KIF21A: variants seen among roughly 807,000 people sequenced by gnomAD.
KIF21A encodes kinesin family member 21A.
In KIF21A, 114 loss-of-function variants were observed where a neutral mutation model predicts 202.9. That is an observed-to-expected ratio of 0.56 (90% confidence interval 0.48 to 0.66). The LOEUF is 0.66. Ranked by LOEUF, KIF21A falls within the 30% of genes least tolerant of loss-of-function variation. KIF21A has a pLI of 0.00. For synonymous variants in KIF21A, 667 were observed against 670.8 expected, an observed-to-expected ratio of 0.99 and a Z score of 0.09; for missense variants, 1,677 against 1,994.9, an observed-to-expected ratio of 0.84 and a Z score of 3.04.
At chr12:39,375,744 G>A (rs1319828890) in intron 1 of KIF21A, among the ~76,000 whole-genome samples, 1 of 152,060 alleles carries the variant, frequency 6.6e-6, no homozygotes, top group Non-Finnish European at 1.5e-5. Flanking sequence ...ACAGTAATGG[G>A]TTAGCTTGTT....
At chr12:39,318,549 T>A (rs1944837112) in intron 28 of KIF21A, among the ~76,000 whole-genome samples, 1 of 152,204 alleles carries the variant, frequency 6.6e-6, no homozygotes, top group Admixed American at 6.5e-5. Flanking sequence ...TACGAGATGT[T>A]TGCTTATTCA....
chr12:39,416,605 ATATATATATATGTACATATATATGTG>A lies in KIF21A; in HGVS notation c.44+26296_44+26321del, dbSNP rs1566263503. On this transcript the variant is annotated intron_variant, in intron 1 of 37. Transcript: ENST00000361418. ...AGTGAGATCCGCCTTAAATATACAT[ATATATATATATGTACATATATATGTG>A]TATATATATATATGTACATATATAT... Among the ~76,000 whole-genome samples, 114 of 117,420 alleles carry A rather than the reference ATATATATATATGTACATATATATGTG, an allele frequency of 9.7e-4. 5 individuals are homozygous for A. The highest frequency in any genetic ancestry group is 3.0e-3 in the African/African-American group (91 of 30,798). 77.0% of individuals were successfully genotyped at this position (117,420 alleles called of 152,430 possible). A position where few individuals can be genotyped will look rare whatever the true frequency, so the allele number is the denominator to read the frequency against.
chr12:39,398,951 C>T (rs555818159), intron 1 of KIF21A, among the ~76,000 whole-genome samples: 3 of 151,838 alleles, frequency 2.0e-5, no homozygotes, highest in East Asian at 1.9e-4. Flanking sequence ...TGTCTGAGAG[C>T]GGTGACTCAT....
At chr12:39,327,392 A>G (rs1405867044) in intron 24 of KIF21A, among the ~76,000 whole-genome samples, 1 of 152,218 alleles carries the variant, frequency 6.6e-6, no homozygotes, top group Non-Finnish European at 1.5e-5. Flanking sequence ...GGCAATATGT[A>G]TCTCATTAGA....
At chr12:39,389,881 C>T (rs1296058882) in intron 1 of KIF21A, among the ~76,000 whole-genome samples, 2 of 152,056 alleles carry the variant, frequency 1.3e-5, no homozygotes, top group Non-Finnish European at 2.9e-5. Flanking sequence ...TAGTGTCAAC[C>T]CAACAGCCTA....
chr12:39,381,319 A>C (rs1950600931), intron 1 of KIF21A, among the ~76,000 whole-genome samples: 1 of 151,902 alleles, frequency 6.6e-6, no homozygotes, highest in Non-Finnish European at 1.5e-5. Flanking sequence ...AAAAAAAAAA[A>C]AAAAAACTAT....
chr12:39,387,321 C>T (rs1331800641), intron 1 of KIF21A, among the ~76,000 whole-genome samples: 1 of 152,070 alleles, frequency 6.6e-6, no homozygotes, highest in Non-Finnish European at 1.5e-5. Context: ...AAACAGTACA[C>T]TTTCCAATGT....
At chr12:39,367,320 G>A (rs1231888757) in intron 4 of KIF21A, 156 bp from the exon 5 acceptor site, 3 of 725,990 alleles carry the variant, frequency 4.1e-6, no homozygotes, top group African/African-American at 1.8e-5. Context: ...TTTTTGAGAT[G>A]GACTTCTCAG....
chr12:39,356,938 G>C (rs771428533), intron 9 of KIF21A, 43 bp from the exon 10 acceptor site: 1 of 930,864 alleles, frequency 1.1e-6, no homozygotes, highest in African/African-American at 1.6e-5. Context: ...TTTAAATTAA[G>C]ACTTCAACAA....
At chr12:39,381,702 T>C (rs1185242625) in intron 1 of KIF21A, among the ~76,000 whole-genome samples, 2 of 152,166 alleles carry the variant, frequency 1.3e-5, no homozygotes, top group Non-Finnish European at 2.9e-5. Flanking sequence ...TAGGCAGAAT[T>C]TGAAGATGAT....
chr12:39,395,857 A>AG (rs1472433691), intron 1 of KIF21A, among the ~76,000 whole-genome samples: 6 of 149,542 alleles, frequency 4.0e-5, no homozygotes, highest in East Asian at 1.9e-4. Context: ...AAAAAAAAAA[A>AG]AAGAAGAAGA....
chr12:39,388,376 C>T (rs1037618775), intron 1 of KIF21A, among the ~76,000 whole-genome samples: 1 of 152,146 alleles, frequency 6.6e-6, no homozygotes, highest in Non-Finnish European at 1.5e-5. Flanking sequence ...CTTCTTACAG[C>T]GCGCAGAACC....
chr12:39,402,879 T>TA (rs901898812), intron 1 of KIF21A, among the ~76,000 whole-genome samples: 6 of 151,352 alleles, frequency 4.0e-5, no homozygotes, highest in East Asian at 1.9e-4. Context: ...TATATTTAGT[T>TA]AAAAAAAAAT....
At chr12:39,336,034 TA>T (rs1946934969) in intron 17 of KIF21A, among the ~76,000 whole-genome samples, 1 of 152,074 alleles carries the variant, frequency 6.6e-6, no homozygotes, top group African/African-American at 2.4e-5. Flanking sequence ...GTTCAGCAAG[TA>T]AAAAGGAATA....
rs1360999449 is a variant in KIF21A at position 39,332,382 on chromosome 12, T to C, written c.2883A>G (p.Arg961=). The change falls in exon 21 of 38, where the codon CGA becomes CGG. Residue 961 remains arginine (R), a synonymous_variant. Transcript: ENST00000361418. ...LKQREELTKR[R]EKLSKRREKI... ...TCTCCCTTCTTTTTGAAAGTTTCTC[T>C]CGTCTTTTTGTGAGTTCCTCCCGTT... 6.2e-7 allele frequency: 1 copy of C among 1,614,056 alleles called. No individual in the cohort carries two copies. Among genetic ancestry groups the C allele is most frequent in the Admixed American group, 1.7e-5 (1 of 60,006 alleles).
intron 1 of KIF21A, among the ~76,000 whole-genome samples, chr12:39,401,979 T>A (rs1213312577): frequency 6.6e-6 from 1 of 152,216 alleles, no homozygotes; most frequent in Non-Finnish European, 1.5e-5. Context: ...TAAATTAGAC[T>A]GCATTCATGC....
At chr12:39,311,142 C>T (rs1480579753) in intron 32 of KIF21A, among the ~76,000 whole-genome samples, 1 of 151,912 alleles carries the variant, frequency 6.6e-6, no homozygotes, top group Non-Finnish European at 1.5e-5. Context: ...TTTTATATAA[C>T]CTGCATTTCA....
chr12:39,424,244 C>A (rs983585427), intron 1 of KIF21A, among the ~76,000 whole-genome samples: 1 of 152,128 alleles, frequency 6.6e-6, no homozygotes, highest in Admixed American at 6.5e-5. Flanking sequence ...CATCTAAAGT[C>A]AACTTTTAGG....
chr12:39,317,950 G>T, intron 29 of KIF21A, 123 bp downstream of exon 29: 1 of 979,426 alleles, frequency 1.0e-6, no homozygotes, highest in Non-Finnish European at 1.6e-6. Context: ...CATAAAATAT[G>T]GCAAGAGTTC....
Sources: allele counts gnomAD v4.1 joint callset (sites outside exome capture counted in the v4.1 genomes callset), GRCh38; gene constraint gnomAD v4.1.1; transcripts MANE v1.5; gene names NCBI Gene and HGNC (gene_info 2026-07-23, HGNC 2026-07-21).